Variants in MEAK7 observed in about 807,000 individuals in gnomAD.
MEAK7 encodes MTOR-associated protein MEAK7.
Under a neutral mutation model 40.5 loss-of-function variants are expected in MEAK7, and 68 were observed. The ratio of observed to expected loss-of-function variants is 1.68; its 90% confidence interval spans 1.38 to 2.06. The LOEUF (loss-of-function observed/expected upper bound fraction) is 2.06. MEAK7 is among the 30% of genes most tolerant of loss of function. MEAK7 has a pLI of 0.00. For synonymous variants in MEAK7, 338 were observed against 231.9 expected (o/e 1.46, Z -4.16); for missense variants, 918 against 580.5 (o/e 1.58, Z -5.98).
Position 84,498,021 on chromosome 16 carries a change from T to A in MEAK7, c.66A>T (p.Ala22=), listed in dbSNP as rs1914198832. ...FCSQFLPEEQ[A]EIDQLFDALS... ...GAGCATCAAACAATTGATCAATCTC[T>A]GCCTGTTCCTCAGGAAGAAACTGTG... Residue 22 remains alanine (A), a synonymous_variant, in exon 2 of 8, where the codon GCA becomes GCT. Transcript: ENST00000343629. 1 of 1,614,098 alleles carries A rather than the reference T, an allele frequency of 6.2e-7. No individual in the cohort carries two copies. The highest frequency in any genetic ancestry group is 1.3e-5 in the African/African-American group (1 of 75,040).
At chr16:84,499,509 C>G (rs1205154614) in intron 1 of MEAK7, among the ~76,000 whole-genome samples, 3 of 151,980 alleles carry the variant, frequency 2.0e-5, no homozygotes, top group Non-Finnish European at 4.4e-5. Context: ...TAATCAGGAT[C>G]TTTCTCTTCA....
rs146538493 is a variant in MEAK7 at position 84,486,822 on chromosome 16, G to C, written c.767C>G (p.Ala256Gly). 4.8e-3 allele frequency: 7,679 copies of C among 1,614,022 alleles called. 21 individuals are homozygous for C. Among genetic ancestry groups the C allele is most frequent in the Non-Finnish European group, 5.7e-3 (6,708 of 1,179,904 alleles). ...LDVLSVMYIN[A>G]QLPREQRHRW... is the part of the protein sequence containing the mutation. ...GTGCCGCTGCTCCCGAGGCAGCTGG[G>C]CGTTGATGTACATGACAGAGAGGAC... The change falls in exon 5 of 8, where the codon GCC (alanine) becomes GGC (glycine). Residue 256 changes from alanine (A) to glycine (G), a missense_variant. Physicochemically the swap from Ala to Gly is moderately conservative, Grantham distance 60 (BLOSUM62 0). Coordinates refer to ENST00000343629, the MANE Select transcript of MEAK7 (RefSeq NM_020947.4).
chr16:84,503,821 G>T, intron 1 of MEAK7: 1 of 571,228 alleles, frequency 1.8e-6, no homozygotes, highest in Non-Finnish European at 2.2e-6. Context: ...TAGTATCCTA[G>T]GAATGGCTTA....
chr16:84,497,917 C>T lies in MEAK7; in HGVS notation c.153+17G>A, dbSNP rs373075528. On this transcript the variant is annotated intron_variant, in intron 2 of 7. Transcript: ENST00000343629. ...CCTGCTCCCAACTAAACATGAACCA[C>T]GGGTTGTTACTCTTGCCTGTAGTGC... is the stretch of plus-strand genomic sequence containing the variant. 1.4e-5 allele frequency: 22 copies of T among 1,614,020 alleles called. 1 individual carries two copies. The highest frequency in any genetic ancestry group is 1.3e-4 in the East Asian group (6 of 44,900).
chr16:84,497,785 A>C (rs1217860660), intron 2 of MEAK7, 149 bp downstream of exon 2: 1 of 1,317,150 alleles, frequency 7.6e-7, no homozygotes, highest in East Asian at 2.4e-5. Context: ...AGCCAAAACT[A>C]GGTCACATCT....
intron 1 of MEAK7, among the ~76,000 whole-genome samples, chr16:84,503,071 A>G (rs1914630540): frequency 6.6e-6 from 1 of 152,190 alleles, no homozygotes; most frequent in South Asian, 2.1e-4. Context: ...TTCACTTGCT[A>G]TCTAACCAGG....
At chr16:84,491,494 G>A (rs1041707360) in intron 3 of MEAK7, among the ~76,000 whole-genome samples, 4 of 141,576 alleles carry the variant, frequency 2.8e-5, no homozygotes, top group African/African-American at 7.8e-5. Flanking sequence ...AGCTGAGGTT[G>A]TGCCACTGCA....
chr16:84,484,846 G>A (rs921533049), intron 5 of MEAK7, among the ~76,000 whole-genome samples: 2 of 152,188 alleles, frequency 1.3e-5, no homozygotes, highest in African/African-American at 2.4e-5. Flanking sequence ...GTATGGACAC[G>A]TACTGCAACA....
chr16:84,494,370 C>G (rs1316805116), intron 3 of MEAK7, among the ~76,000 whole-genome samples: 1 of 152,134 alleles, frequency 6.6e-6, no homozygotes, highest in Non-Finnish European at 1.5e-5. Context: ...GGACTGAACC[C>G]TAGAATTTTT....
Position 84,504,614 on chromosome 16 carries a change from C to T in MEAK7, c.-39G>A, listed in dbSNP as rs1399361234. Reference sequence around the variant, plus strand: ...CCAGGTACCTACCCTGCCGGGCTTCCTGGTGCTGTCCGGTCCGGTCCAGCA... The same window carrying T: ...CCAGGTACCTACCCTGCCGGGCTTCTTGGTGCTGTCCGGTCCGGTCCAGCA... On this transcript the variant is annotated 5_prime_UTR_variant, in exon 1 of 8. Transcript: ENST00000343629. 2 of 985,540 alleles carry T rather than the reference C, an allele frequency of 2.0e-6. No individual in the cohort carries two copies. The highest frequency in any genetic ancestry group is 3.5e-5 in the African/African-American group (2 of 57,248). The allele number at this position is 985,540 out of a possible 1,614,324, so 61.0% of individuals were successfully genotyped here.
intron 3 of MEAK7, among the ~76,000 whole-genome samples, chr16:84,490,256 T>C (rs1240579632): frequency 1.3e-5 from 2 of 149,802 alleles, no homozygotes; most frequent in African/African-American, 4.9e-5. Flanking sequence ...GGCCTCTGAA[T>C]TGGCTAAATT....
At chr16:84,494,688 G>T in intron 3 of MEAK7, 9 of 349,770 alleles carry the variant, frequency 2.6e-5, no homozygotes, top group Non-Finnish European at 3.4e-5. Context: ...TTTTCTTCAC[G>T]GGACATGAGA....
chr16:84,484,418 G>A (rs1301092595), intron 5 of MEAK7, among the ~76,000 whole-genome samples: 2 of 152,180 alleles, frequency 1.3e-5, no homozygotes, highest in Non-Finnish European at 1.5e-5. Context: ...AGGAGCTGAG[G>A]CCCAGAAAAT....
At chr16:84,490,301 A>G (rs550649383) in intron 3 of MEAK7, among the ~76,000 whole-genome samples, 1 of 151,860 alleles carries the variant, frequency 6.6e-6, no homozygotes, top group East Asian at 1.9e-4. Flanking sequence ...AAAAGAAGGA[A>G]AGAGCAAGGC....
chr16:84,479,110 C>A lies in MEAK7; in HGVS notation c.*803G>T, dbSNP rs1419282113. 6.6e-6 allele frequency: 1 copy of A among 152,182 alleles called. No homozygotes were observed. Among genetic ancestry groups the A allele is most frequent in the Non-Finnish European group, 1.5e-5 (1 of 68,056 alleles). The allele number at this position is 152,182 out of a possible 1,614,324, so 9.4% of individuals were successfully genotyped here. A position where few individuals can be genotyped will look rare whatever the true frequency, so the allele number is the denominator to read the frequency against. On this transcript the variant is annotated 3_prime_UTR_variant, in exon 8 of 8. Transcript: ENST00000343629. The stretch of plus-strand genomic sequence containing the variant: ...TGGGTGTGGAACCTTATTACAAATA[C>A]CTTCTGAGGACTCATGCCACCACCA...
Position 84,504,594 on chromosome 16 carries a change from T to G in MEAK7, c.-26+7A>C. On this transcript the variant is annotated splice_region_variant and intron_variant, in intron 1 of 7. Transcript: ENST00000343629. ...AGCTCACTGCGAACCTCAGCCCAGG[T>G]ACCTACCCTGCCGGGCTTCCTGGTG... 1.0e-6 allele frequency: 1 copy of G among 985,680 alleles called. No individual in the cohort carries two copies. The highest frequency in any genetic ancestry group is 1.2e-6 in the Non-Finnish European group (1 of 830,124). 61.1% of individuals were successfully genotyped at this position (985,680 alleles called of 1,614,324 possible).
intron 4 of MEAK7, 69 bp downstream of exon 4, chr16:84,489,209 A>T: frequency 6.5e-7 from 1 of 1,545,386 alleles, no homozygotes; most frequent in South Asian, 1.2e-5. Context: ...CTACACAGCT[A>T]CAGTAATGGA....
intron 5 of MEAK7, among the ~76,000 whole-genome samples, chr16:84,484,062 C>A (rs939882921): frequency 1.1e-4 from 17 of 152,334 alleles, no homozygotes; most frequent in African/African-American, 4.1e-4. Context: ...CTCTCCCCGA[C>A]TGGACTTCAG....
intron 3 of MEAK7, among the ~76,000 whole-genome samples, chr16:84,490,280 G>GAA (rs57264146): frequency 7.2e-4 from 101 of 141,134 alleles, no homozygotes; most frequent in Middle Eastern, 3.6e-3. Flanking sequence ...ATAGCTGGGG[G>GAA]AAAAAAAAAA....
Sources: gnomAD v4.1 joint callset for allele counts (sites outside exome capture counted in the v4.1 genomes callset) on GRCh38, gnomAD v4.1.1 for gene constraint, MANE v1.5 for transcripts, NCBI Gene and HGNC (gene_info 2026-07-23, HGNC 2026-07-21) for gene names.